NAV2: variants seen among roughly 807,000 people sequenced by gnomAD.
NAV2 encodes helicase, APC down-regulated 1.
NAV2 carries 54 observed loss-of-function variants against 223.2 expected under a neutral mutation model. That is an observed-to-expected ratio of 0.24 (90% confidence interval 0.19 to 0.30). The LOEUF (loss-of-function observed/expected upper bound fraction) is 0.30, where lower values mean the gene tolerates loss of function less well. Among genes scored for constraint, NAV2 ranks in the 10% least tolerant of loss-of-function variants. The pLI is 1.00. For missense variants in NAV2, 2,806 were observed against 3,147.5 expected (o/e 0.89, Z 2.60); for synonymous variants, 1,279 against 1,239.3 (o/e 1.03, Z -0.67).
intron 1 of NAV2, among the ~76,000 whole-genome samples, chr11:19,576,101 A>G (rs1247196275): frequency 6.6e-6 from 1 of 152,190 alleles, no homozygotes; most frequent in Non-Finnish European, 1.5e-5. Context: ...TCCAGGCCTA[A>G]GTGCCCTTTG....
intron 1 of NAV2, among the ~76,000 whole-genome samples, chr11:19,486,270 C>T (rs10833124): frequency 0.29 from 43,978 of 151,904 alleles, 7,825 homozygotes; most frequent in Non-Finnish European, 0.38. Context: ...ATAGTCTCTT[C>T]CTGGGACCCT....
chr11:19,561,102 A>G (rs555291215), intron 1 of NAV2, among the ~76,000 whole-genome samples: 2 of 152,352 alleles, frequency 1.3e-5, no homozygotes, highest in East Asian at 3.8e-4. Context: ...GACCTCAACC[A>G]TCCCTTCCGA....
At chr11:19,471,076 C>T (rs1350260368) in intron 1 of NAV2, among the ~76,000 whole-genome samples, 1 of 152,172 alleles carries the variant, frequency 6.6e-6, no homozygotes, top group Non-Finnish European at 1.5e-5. Flanking sequence ...CCCAGACTTA[C>T]AGCAGTATTC....
intron 5 of NAV2, among the ~76,000 whole-genome samples, chr11:19,885,328 G>A (rs1018300078): frequency 6.6e-6 from 1 of 152,152 alleles, no homozygotes; most frequent in Non-Finnish European, 1.5e-5. Context: ...TATAACCACA[G>A]TGCTACACTC....
At position 20,080,118 on chromosome 11, in the gene NAV2, ACAGCGTCTC is replaced by A; in HGVS notation, c.5239_5247del (p.Val1747_Ser1749del). The A allele has an allele frequency of 6.2e-7, 1 of 1,614,134 alleles. No homozygotes were observed. Among genetic ancestry groups the A allele is most frequent in the Non-Finnish European group, 8.5e-7 (1 of 1,180,008 alleles). On this transcript the variant is annotated inframe_deletion, in exon 25 of 38. Transcript: ENST00000349880. ...CGCATCCGCAGGCAGCACTCCTCAG[ACAGCGTCTC>A]CAGCATCAACAGTGCCACCAGCCAC...
chr11:19,604,303 G>C (rs1406184381), intron 1 of NAV2, among the ~76,000 whole-genome samples: 2 of 152,112 alleles, frequency 1.3e-5, no homozygotes, highest in East Asian at 1.9e-4. Context: ...GCTTGGACTG[G>C]GGGGGCATCG....
Position 19,873,789 on chromosome 11 carries a change from A to G in NAV2, c.511+4792A>G, listed in dbSNP as rs59865740. ...AAGGGTCCCCATAGGCTCTGCTCCC[A>G]TCCTCTCATCCCACTTCTCCTGTGG... On this transcript the variant is annotated intron_variant, in intron 4 of 37. Transcript: ENST00000349880. Among the ~76,000 whole-genome samples the G allele has an allele frequency of 2.5e-3, 379 of 152,216 alleles. 1 individual carries two copies. Among genetic ancestry groups the G allele is most frequent in the African/African-American group, 8.5e-3 (354 of 41,522 alleles).
In NAV2 at chr11:20,091,032, A is replaced by T; in HGVS notation, c.5652+14A>T. 1.2e-6 allele frequency: 2 copies of T among 1,611,608 alleles called. No individual in the cohort carries two copies. The highest frequency in any genetic ancestry group is 1.7e-6 in the Non-Finnish European group (2 of 1,179,494). ...AACAGGATGCAGGTGAGAGCCCAGGAGCATGGGCTGAGCTCAAGGCTGTCT... is the reference window on the plus strand; with the variant it reads ...AACAGGATGCAGGTGAGAGCCCAGGTGCATGGGCTGAGCTCAAGGCTGTCT... On this transcript the variant is annotated intron_variant, in intron 27 of 37. Transcript: ENST00000349880.
At chr11:20,112,549 A>G (rs2062723537) in intron 36 of NAV2, among the ~76,000 whole-genome samples, 1 of 152,182 alleles carries the variant, frequency 6.6e-6, no homozygotes, top group Non-Finnish European at 1.5e-5. Flanking sequence ...GAGTATGGGC[A>G]CTGCTGGCAG....
intron 11 of NAV2, among the ~76,000 whole-genome samples, chr11:20,012,442 G>A (rs1379880917): frequency 1.3e-5 from 2 of 152,140 alleles, no homozygotes; most frequent in African/African-American, 2.4e-5. Flanking sequence ...TTGGGAGGCC[G>A]AGGCAGGTGG....
At chr11:20,109,608 T>C (rs1345386991) in intron 36 of NAV2, among the ~76,000 whole-genome samples, 5 of 152,196 alleles carry the variant, frequency 3.3e-5, no homozygotes, top group African/African-American at 1.2e-4. Flanking sequence ...TCTGTTCTCA[T>C]TGATGGCTTC....
At chr11:19,612,524 C>A (rs61024771) in intron 1 of NAV2, among the ~76,000 whole-genome samples, 3 of 152,186 alleles carry the variant, frequency 2.0e-5, no homozygotes, top group Non-Finnish European at 4.4e-5. Flanking sequence ...AAATTTCTTC[C>A]GCCAGATACC....
intron 10 of NAV2, among the ~76,000 whole-genome samples, chr11:19,952,723 T>C (rs1167618919): frequency 1.3e-5 from 2 of 152,150 alleles, no homozygotes; most frequent in Non-Finnish European, 2.9e-5. Flanking sequence ...TTGATGCCTC[T>C]AGTTCATTTT....
chr11:19,807,715 C>A (rs2058649339), intron 1 of NAV2, among the ~76,000 whole-genome samples: 1 of 152,332 alleles, frequency 6.6e-6, no homozygotes, highest in South Asian at 2.1e-4. Flanking sequence ...CACCCACCCA[C>A]TAGGTTTGAT....
chr11:19,953,851 G>GCA (rs2047596449), intron 10 of NAV2, among the ~76,000 whole-genome samples: 1 of 97,488 alleles, frequency 1.0e-5, no homozygotes, highest in African/African-American at 4.4e-5. Flanking sequence ...AAATGTGCAC[G>GCA]CGCGCGCGTG....
chr11:19,858,244 G>A (rs921542552), intron 3 of NAV2, among the ~76,000 whole-genome samples: 1 of 152,170 alleles, frequency 6.6e-6, no homozygotes, highest in African/African-American at 2.4e-5. Context: ...GTAAACCACT[G>A]TTCTGCTCTG....
At chr11:19,798,001 C>T (rs951893199) in intron 1 of NAV2, among the ~76,000 whole-genome samples, 1 of 152,158 alleles carries the variant, frequency 6.6e-6, no homozygotes, top group Admixed American at 6.5e-5. Context: ...ATGATTTAGC[C>T]TCTAGGGCTT....
At chr11:20,056,674 A>G (rs762996473) in intron 19 of NAV2, 4 of 1,276,976 alleles carry the variant, frequency 3.1e-6, no homozygotes, top group South Asian at 2.4e-5. Flanking sequence ...TCCCCACCCC[A>G]TGAAGATGGG....
intron 1 of NAV2, among the ~76,000 whole-genome samples, chr11:19,353,993 C>T (rs1853469753): frequency 6.6e-6 from 1 of 152,204 alleles, no homozygotes; most frequent in Non-Finnish European, 1.5e-5. Flanking sequence ...ACACCCAAAT[C>T]ATGCCTTCTA....
Sources: allele counts gnomAD v4.1 joint callset (sites outside exome capture counted in the v4.1 genomes callset), GRCh38; gene constraint gnomAD v4.1.1; transcripts MANE v1.5; gene names NCBI Gene and HGNC (gene_info 2026-07-23, HGNC 2026-07-21).